MAPKAPK5: variants seen among roughly 807,000 people sequenced by gnomAD.
The protein encoded by MAPKAPK5 is MAPK activated protein kinase 5.
Under a neutral mutation model 65.1 loss-of-function variants are expected in MAPKAPK5, and 30 were observed. The observed-to-expected ratio is 0.46, with a 90% CI of 0.34 to 0.63. The LOEUF is 0.63. Among genes scored for constraint, MAPKAPK5 ranks in the 20% least tolerant of loss-of-function variants. MAPKAPK5 has a pLI of 0.01. For missense variants in MAPKAPK5, 433 were observed against 581.4 expected, an observed-to-expected ratio of 0.74 and a Z score of 2.63; for synonymous variants, 179 against 204.6, an observed-to-expected ratio of 0.87 and a Z score of 1.07.
rs60828767 is a variant in MAPKAPK5 at position 111,877,025 on chromosome 12, A to ATTT, written c.580-3413_580-3411dup. On this transcript the variant is annotated intron_variant, in intron 7 of 13. Transcript: ENST00000550735. ...CATTGTGGTTTTAATTTTAATTTTA[A>ATTT]TTTTTTTTTTTGAGATGGAGTCTTG... Among the ~76,000 whole-genome samples, 8,176 of 139,670 alleles carry ATTT rather than the reference A, an allele frequency of 0.059. 1,210 individuals are homozygous for ATTT. The East Asian group carries it at 0.62, about 11-fold the overall frequency. 91.6% of individuals were successfully genotyped at this position (139,670 alleles called of 152,430 possible). A position where few individuals can be genotyped will look rare whatever the true frequency, so the allele number is the denominator to read the frequency against.
Position 111,880,495 on chromosome 12 carries a change from C to T in MAPKAPK5, c.628C>T (p.Pro210Ser). The T allele has an allele frequency of 6.2e-7, 1 of 1,612,660 alleles. No individual in the cohort carries two copies. The highest frequency in any genetic ancestry group is 8.5e-7 in the Non-Finnish European group (1 of 1,179,438). ...TCAGAAGGAGAAATCTGGCATCATA[C>T]CTACCTCACCGACGCCCTACACTTA... ...RHQKEKSGII[P>S]TSPTPYTYNK... is the part of the protein sequence containing the mutation. The change falls in exon 8 of 14, where the codon CCT (proline) becomes TCT (serine). Residue 210 changes from proline (P) to serine (S), a missense_variant. Around this residue, in one of 3 missense-constraint regions of MAPKAPK5, gnomAD observed 99 missense variants for 185.8 expected, o/e 0.53. Transcript: ENST00000550735.
chr12:111,848,168 C>A (rs189868101), intron 1 of MAPKAPK5, among the ~76,000 whole-genome samples: 1 of 152,240 alleles, frequency 6.6e-6, no homozygotes, highest in Admixed American at 6.5e-5. Context: ...AACTGTTTTC[C>A]AAAGTGGTTG....
In MAPKAPK5 at chr12:111,900,011, T is replaced by C; in HGVS notation, c.*6950T>C. 2.2e-6 allele frequency: 1 copy of C among 456,058 alleles called. No homozygotes were observed. The highest frequency in any genetic ancestry group is 4.4e-6 in the Non-Finnish European group (1 of 226,800). The allele number at this position is 456,058 out of a possible 1,614,324, so 28.3% of individuals were successfully genotyped here. The stretch of plus-strand genomic sequence containing the variant: ...ACCAGCGGTTCCAGATGTGGGGCAG[T>C]AACGTCAATGAGACGGTCCAGACAG... On this transcript the variant is annotated 3_prime_UTR_variant, in exon 14 of 14. Transcript: ENST00000550735.
At chr12:111,860,395 C>A (rs994246942) in intron 1 of MAPKAPK5, among the ~76,000 whole-genome samples, 3 of 152,210 alleles carry the variant, frequency 2.0e-5, no homozygotes, top group Non-Finnish European at 4.4e-5. Context: ...GAGCTTAACT[C>A]AGACTTTCTA....
intron 1 of MAPKAPK5, among the ~76,000 whole-genome samples, chr12:111,862,590 A>G (rs1232990287): frequency 6.6e-6 from 1 of 152,146 alleles, no homozygotes; most frequent in Non-Finnish European, 1.5e-5. Flanking sequence ...AATCCCAGCT[A>G]CTTGGTAGGC....
intron 7 of MAPKAPK5, among the ~76,000 whole-genome samples, chr12:111,878,426 T>C (rs2070073470): frequency 6.6e-6 from 1 of 151,818 alleles, no homozygotes; most frequent in African/African-American, 2.4e-5. Context: ...TTTATTTATT[T>C]ATTTATTTAT....
In MAPKAPK5 at chr12:111,846,620, C is replaced by T. The variant is rs147567467; in HGVS notation, c.36+3851C>T. On this transcript the variant is annotated intron_variant, in intron 1 of 13. Coordinates refer to ENST00000550735, the MANE Select transcript of MAPKAPK5 (RefSeq NM_003668.4). ...AAGCAATTCTTCTGCCTCAGCCTCCCGAGTAGTAGCTGGGATTACAGGTGT... is the reference window on the plus strand; with the variant it reads ...AAGCAATTCTTCTGCCTCAGCCTCCTGAGTAGTAGCTGGGATTACAGGTGT... 2.7e-3 allele frequency among the ~76,000 whole-genome samples: 407 copies of T among 151,884 alleles called. 6 individuals are homozygous for T. Among genetic ancestry groups the T allele is most frequent in the African/African-American group, 9.6e-3 (396 of 41,402 alleles).
intron 11 of MAPKAPK5, 54 bp from the exon 12 acceptor site, chr12:111,888,831 G>T: frequency 6.2e-7 from 1 of 1,601,486 alleles, no homozygotes; most frequent in Non-Finnish European, 8.5e-7. Context: ...TATCTGTCCA[G>T]AGTTGGTTTT....
intron 1 of MAPKAPK5, among the ~76,000 whole-genome samples, chr12:111,854,965 C>T (rs1357689322): frequency 6.6e-6 from 1 of 152,152 alleles, no homozygotes; most frequent in Non-Finnish European, 1.5e-5. Flanking sequence ...TTACTTGTTA[C>T]AGGTCTATTC....
chr12:111,870,289 C>G lies in MAPKAPK5; in HGVS notation c.412C>G (p.His138Asp). Reference protein sequence around the residue: ...VTKQIALALRHCHLLNIAHRD... With the variant: ...VTKQIALALRDCHLLNIAHRD... ...TTTTCAGATAGCTTTGGCTCTGCGG[C>G]ACTGTCACTTGTTAAACATTGCGCA... The change falls in exon 6 of 14, where the codon CAC becomes GAC. Residue 138 changes from histidine (H) to aspartate (D), a missense_variant. This residue lies in a region of MAPKAPK5 where 165 missense variants were observed against 180.0 expected (regional missense o/e 0.92). Coordinates refer to ENST00000550735, the MANE Select transcript of MAPKAPK5 (RefSeq NM_003668.4). 1.2e-6 allele frequency: 2 copies of G among 1,606,680 alleles called. No individual in the cohort carries two copies. Among genetic ancestry groups the G allele is most frequent in the South Asian group, 2.2e-5 (2 of 90,772 alleles).
intron 1 of MAPKAPK5, among the ~76,000 whole-genome samples, chr12:111,854,433 G>C (rs545883979): frequency 2.0e-5 from 3 of 151,988 alleles, no homozygotes; most frequent in African/African-American, 7.2e-5. Context: ...GTGGAGATGG[G>C]GTTTCACCAT....
At chr12:111,882,944 AG>A in intron 8 of MAPKAPK5, 1 of 628,470 alleles carries the variant, frequency 1.6e-6, no homozygotes, top group Non-Finnish European at 2.0e-6. Context: ...GCTGGGGCAA[AG>A]CATCCTATAC....
Position 111,897,575 on chromosome 12 carries a change from G to T in MAPKAPK5, c.*4514G>T, listed in dbSNP as rs2070866213. On this transcript the variant is annotated 3_prime_UTR_variant, in exon 14 of 14. Coordinates refer to ENST00000550735, the MANE Select transcript of MAPKAPK5 (RefSeq NM_003668.4). The stretch of plus-strand genomic sequence containing the variant: ...GAAACAGGGAAACACCCTAAAATCT[G>T]TGATAATTTTCAAAATACAATTTTA... 5 of 152,120 alleles carry T rather than the reference G, an allele frequency of 3.3e-5. No individual in the cohort carries two copies. The highest frequency in any genetic ancestry group is 6.5e-5 in the Admixed American group (1 of 15,272). The allele number at this position is 152,120 out of a possible 1,614,324, so 9.4% of individuals were successfully genotyped here. A position where few individuals can be genotyped will look rare whatever the true frequency, so the allele number is the denominator to read the frequency against.
In MAPKAPK5 at chr12:111,870,403, A is replaced by C. The variant is rs76400611; in HGVS notation, c.483+43A>C. The C allele has an allele frequency of 3.4e-3, 5,236 of 1,524,374 alleles. 141 individuals are homozygous for C. The African/African-American group carries it at 0.058, about 17-fold the overall frequency. The allele number at this position is 1,524,374 out of a possible 1,614,324, so 94.4% of individuals were successfully genotyped here. ...CTGCATTTTAGTGCTGCAACTCTTA[A>C]CATAGTTCAGGAGTGGGTGTGTTTG... On this transcript the variant is annotated intron_variant, in intron 6 of 13. Transcript: ENST00000550735.
intron 1 of MAPKAPK5, among the ~76,000 whole-genome samples, chr12:111,846,012 T>G (rs1465535484): frequency 6.6e-6 from 1 of 152,192 alleles, no homozygotes; most frequent in Non-Finnish European, 1.5e-5. Flanking sequence ...TTTTTTTCAC[T>G]TGACTCTTGC....
At chr12:111,863,654 T>C (rs1404147716) in intron 1 of MAPKAPK5, among the ~76,000 whole-genome samples, 1 of 151,508 alleles carries the variant, frequency 6.6e-6, no homozygotes, top group African/African-American at 2.4e-5. Context: ...TCGCCCATGC[T>C]GGAGTGCAAT....
Position 111,901,657 on chromosome 12 carries a change from AAAAG to A in MAPKAPK5, c.*8599_*8602del, listed in dbSNP as rs1292333336. 4 of 271,496 alleles carry A rather than the reference AAAAG, an allele frequency of 1.5e-5. No individual in the cohort carries two copies. Among genetic ancestry groups the A allele is most frequent in the Non-Finnish European group, 2.9e-5 (4 of 138,648 alleles). 16.8% of individuals were successfully genotyped at this position (271,496 alleles called of 1,614,324 possible). Reference sequence around the variant, plus strand: ...AAGAAAAAGAAGAGAAGGAGGAAGAAAAAGAAGAGGAGGAGGAGGAAGAAGAGGA... The same window carrying A: ...AAGAAAAAGAAGAGAAGGAGGAAGAAAAGAGGAGGAGGAGGAAGAAGAGGA... On this transcript the variant is annotated 3_prime_UTR_variant, in exon 14 of 14. Transcript: ENST00000550735.
intron 1 of MAPKAPK5, among the ~76,000 whole-genome samples, chr12:111,847,231 C>A (rs1416770959): frequency 1.3e-5 from 2 of 151,586 alleles, no homozygotes; most frequent in African/African-American, 4.9e-5. Flanking sequence ...GTCTGTAGTC[C>A]CAGCTACTCG....
chr12:111,891,575 T>A (rs2070607961), intron 13 of MAPKAPK5, among the ~76,000 whole-genome samples: 1 of 145,040 alleles, frequency 6.9e-6, no homozygotes, highest in Non-Finnish European at 1.5e-5. Flanking sequence ...GGGCGGATCA[T>A]GAGGTCAGGA....
Sources: allele counts gnomAD v4.1 joint callset (sites outside exome capture counted in the v4.1 genomes callset), GRCh38; gene constraint gnomAD v4.1.1; regional missense constraint gnomAD v4.1.1; transcripts MANE v1.5; gene names NCBI Gene and HGNC (gene_info 2026-07-23, HGNC 2026-07-21).